ZNF217: variants seen among roughly 807,000 people sequenced by gnomAD.
The protein encoded by ZNF217 is zinc finger protein 217.
In ZNF217, 12 loss-of-function variants were observed where a neutral mutation model predicts 73.3. That is an observed-to-expected ratio of 0.16 (90% CI 0.10 to 0.27). The LOEUF (loss-of-function observed/expected upper bound fraction) is 0.27. Among genes scored for constraint, ZNF217 ranks in the 10% least tolerant of loss-of-function variants. The pLI, the probability that ZNF217 is intolerant of heterozygous loss-of-function variation, is 1.00. For synonymous variants in ZNF217, 588 were observed against 516.4 expected, an observed-to-expected ratio of 1.14 and a Z score of -1.88; for missense variants, 1,195 against 1,327.8, an observed-to-expected ratio of 0.90 and a Z score of 1.55.
intron 4 of ZNF217, among the ~76,000 whole-genome samples, chr20:53,573,810 C>T (rs1440158273): frequency 6.6e-6 from 1 of 152,176 alleles, no homozygotes; most frequent in Non-Finnish European, 1.5e-5. Flanking sequence ...GTGGCTCATG[C>T]TTGTAATCCC....
At chr20:53,586,173 C>A (rs575372419) in intron 1 of ZNF217, among the ~76,000 whole-genome samples, 27 of 152,244 alleles carry the variant, frequency 1.8e-4, no homozygotes, top group Non-Finnish European at 3.1e-4. Flanking sequence ...CACTGCTGCC[C>A]CCAATGCCTG....
intron 1 of ZNF217, among the ~76,000 whole-genome samples, chr20:53,592,635 G>A (rs1386141587): frequency 1.3e-5 from 2 of 150,978 alleles, no homozygotes; most frequent in East Asian, 3.9e-4. Flanking sequence ...AGGTTCCGGC[G>A]CGCGCCCCGC....
At chr20:53,578,125 GAAAGA>G (rs1375138401) in intron 3 of ZNF217, among the ~76,000 whole-genome samples, 2 of 152,010 alleles carry the variant, frequency 1.3e-5, no homozygotes, top group African/African-American at 2.4e-5. Flanking sequence ...AAACAAAAAA[GAAAGA>G]AAAGAAATGA....
rs1988570447 is a variant in ZNF217 at position 53,583,147 on chromosome 20, G to T, written c.-321C>A. 1 of 409,854 alleles carries T rather than the reference G, an allele frequency of 2.4e-6. No homozygotes were observed. The highest frequency in any genetic ancestry group is 2.1e-5 in the African/African-American group (1 of 48,658). 25.4% of individuals were successfully genotyped at this position (409,854 alleles called of 1,614,324 possible). A position where few individuals can be genotyped will look rare whatever the true frequency, so the allele number is the denominator to read the frequency against. ...AGCAAGAAGTCAATCCCAGCAACCT[G>T]GAGACAAGGGATTTCCAAACCCTAG... On this transcript the variant is annotated 5_prime_UTR_variant, in exon 2 of 6. Transcript: ENST00000371471.
intron 5 of ZNF217, among the ~76,000 whole-genome samples, chr20:53,570,748 A>C (rs1341206556): frequency 7.9e-6 from 1 of 127,348 alleles, no homozygotes; most frequent in Non-Finnish European, 1.9e-5. Flanking sequence ...GCAGATAAGT[A>C]CTTATCTTGG....
intron 2 of ZNF217, among the ~76,000 whole-genome samples, chr20:53,579,969 G>A (rs1988425254): frequency 6.6e-6 from 1 of 152,194 alleles, no homozygotes; most frequent in Admixed American, 6.5e-5. Flanking sequence ...CCACCTACCG[G>A]TAACTGGCCT....
Position 53,576,454 on chromosome 20 carries a change from A to T in ZNF217, c.2310T>A (p.Ser770Arg). Residue 770 changes from serine (S) to arginine (R), a missense_variant, in exon 4 of 6, where the codon AGT becomes AGA. By Grantham distance (110) the Ser-to-Arg change is moderately radical (BLOSUM62 -1). Around this residue, in one of 9 missense-constraint regions of ZNF217, gnomAD observed 649 missense variants for 642.8 expected, o/e 1.01. Transcript: ENST00000371471. ...LLGKDVPPLS[S>R]FCKPKPKSAF... is the part of the protein sequence containing the mutation. ...CAGACTTGGGCTTGGGTTTACAGAA[A>T]CTAGAGAGGGGAGGCACATCTTTTC... The T allele has an allele frequency of 5.0e-6, 8 of 1,614,116 alleles. No homozygotes were observed. The highest frequency in any genetic ancestry group is 6.8e-6 in the Non-Finnish European group (8 of 1,179,986).
upstream of ZNF217, chr20:53,597,631 C>T (rs1397115753): frequency 6.6e-6 from 1 of 150,680 alleles, no homozygotes; most frequent in Non-Finnish European, 1.5e-5. Context: ...CAGAACTTAC[C>T]TTTCAGAAGA....
chr20:53,576,776 G>T lies in ZNF217; in HGVS notation c.1988C>A (p.Pro663His). 3 of 1,614,164 alleles carry T rather than the reference G, an allele frequency of 1.9e-6. No individual in the cohort carries two copies. The highest frequency in any genetic ancestry group is 2.5e-6 in the Non-Finnish European group (3 of 1,180,024). Residue 663 changes from proline (P) to histidine (H), a missense_variant, in exon 4 of 6, where the codon CCC becomes CAC. By Grantham distance (77) the Pro-to-His change is moderately conservative. Transcript: ENST00000371471. ...GSTTHNLEVS[P>H]KEKQTETAAD... ...TGCGGTCTCCGTTTGCTTCTCTTTG[G>T]GGCTAACTTCAAGGTTATGGGTGGT...
intron 3 of ZNF217, 133 bp downstream of exon 3, chr20:53,578,201 G>A (rs1988354123): frequency 1.8e-6 from 1 of 570,474 alleles, no homozygotes; most frequent in Non-Finnish European, 3.2e-6. Flanking sequence ...AATAACCACT[G>A]CAATCAACAT....
chr20:53,583,594 TCC>T (rs1223741777), intron 1 of ZNF217, among the ~76,000 whole-genome samples: 1 of 152,244 alleles, frequency 6.6e-6, no homozygotes, highest in African/African-American at 2.4e-5. Flanking sequence ...CTATTTTAAA[TCC>T]AGTGTATACA....
intron 1 of ZNF217, among the ~76,000 whole-genome samples, chr20:53,588,196 C>G (rs1988760933): frequency 6.6e-6 from 1 of 151,974 alleles, no homozygotes; most frequent in African/African-American, 2.4e-5. Context: ...GTGTCATTAA[C>G]TAGAAACTGC....
chr20:53,576,194 G>A lies in ZNF217; in HGVS notation c.2570C>T (p.Pro857Leu), dbSNP rs759570032. 6.2e-7 allele frequency: 1 copy of A among 1,614,234 alleles called. No homozygotes were observed. The highest frequency in any genetic ancestry group is 8.5e-7 in the Non-Finnish European group (1 of 1,180,040). The change falls in exon 4 of 6, where the codon CCC (proline) becomes CTC (leucine). Residue 857 changes from proline (P) to leucine (L), a missense_variant. Physicochemically the swap from Pro to Leu is moderately conservative, Grantham distance 98. Coordinates refer to ENST00000371471, the MANE Select transcript of ZNF217 (RefSeq NM_006526.3). ...TGGAAGAGGTTTCAATTTTGTCTCG[G>A]GTCTTTTTGTCTTATCCGGTGCAGG... is the stretch of plus-strand genomic sequence containing the variant. ...VSPAPDKTKR[P>L]ETKLKPLPVA...
At chr20:53,578,672 G>C (rs1375481623) in intron 2 of ZNF217, among the ~76,000 whole-genome samples, 1 of 151,978 alleles carries the variant, frequency 6.6e-6, no homozygotes, top group East Asian at 1.9e-4. Flanking sequence ...GTTTTTTTCT[G>C]GGTACAGCAG....
intron 4 of ZNF217, among the ~76,000 whole-genome samples, chr20:53,573,059 A>G (rs924892101): frequency 1.3e-5 from 2 of 150,760 alleles, no homozygotes; most frequent in African/African-American, 4.9e-5. Context: ...ACCAAAATCC[A>G]TGGATGCTCA....
intron 1 of ZNF217, among the ~76,000 whole-genome samples, chr20:53,585,660 T>C (rs1234825878): frequency 6.6e-6 from 1 of 152,204 alleles, no homozygotes; most frequent in Admixed American, 6.5e-5. Flanking sequence ...TTCTCAATTA[T>C]CTGGGTTAAA....
At chr20:53,594,980 G>A (rs148735342), upstream of ZNF217, among the ~76,000 whole-genome samples, 410 of 146,210 alleles carry the variant, frequency 2.8e-3, 9 homozygotes, top group Admixed American at 0.018. Context: ...ACTTAGCCTA[G>A]GTTCCAAGAA....
At chr20:53,578,481 G>C (rs1327674472) in intron 2 of ZNF217, 31 bp from the exon 3 acceptor site, 1 of 1,343,940 alleles carries the variant, frequency 7.4e-7, no homozygotes, top group Non-Finnish European at 1.0e-6. Flanking sequence ...ATTTATATAA[G>C]AAGGTAGCTG....
In ZNF217 at chr20:53,583,029, C is replaced by T. The variant is rs1172351036; in HGVS notation, c.-203G>A. On this transcript the variant is annotated 5_prime_UTR_variant, in exon 2 of 6. Coordinates refer to ENST00000371471, the MANE Select transcript of ZNF217 (RefSeq NM_006526.3). ...TGGTGTCACTGGTTCTTTCCACAAA[C>T]AAGGCATACAGGGTTCCCAATGCCT... 1.8e-6 allele frequency: 1 copy of T among 543,326 alleles called. No individual in the cohort carries two copies. The highest frequency in any genetic ancestry group is 3.2e-6 in the Non-Finnish European group (1 of 313,392). 33.7% of individuals were successfully genotyped at this position (543,326 alleles called of 1,614,324 possible). A position where few individuals can be genotyped will look rare whatever the true frequency, so the allele number is the denominator to read the frequency against.
Sources: allele counts gnomAD v4.1 joint callset (sites outside exome capture counted in the v4.1 genomes callset), GRCh38; gene constraint gnomAD v4.1.1; regional missense constraint gnomAD v4.1.1; transcripts MANE v1.5; gene names NCBI Gene and HGNC (gene_info 2026-07-23, HGNC 2026-07-21).